Variants in CELF4 observed in about 807,000 individuals in gnomAD.
CELF4 encodes the protein CUG-BP- and ETR-3-like factor 4.
CELF4 carries 18 observed loss-of-function variants against 59.9 expected under a neutral mutation model. The observed-to-expected ratio is 0.30, with a 90% confidence interval of 0.21 to 0.45. The LOEUF (loss-of-function observed/expected upper bound fraction) is 0.45. Among genes scored for constraint, CELF4 ranks in the 20% least tolerant of loss-of-function variants. The pLI, the probability that CELF4 is intolerant of heterozygous loss-of-function variation, is 1.00. For missense variants in CELF4, 456 were observed against 689.0 expected, an observed-to-expected ratio of 0.66 and a Z score of 3.79; for synonymous variants, 261 against 267.1, an observed-to-expected ratio of 0.98 and a Z score of 0.22.
intron 2 of CELF4, among the ~76,000 whole-genome samples, chr18:37,450,166 G>A (rs1791478): frequency 0.42 from 63,779 of 151,968 alleles, 13,777 homozygotes; most frequent in East Asian, 0.58. Flanking sequence ...GTGTGTGGGA[G>A]GGTACAAGTT....
intron 1 of CELF4, among the ~76,000 whole-genome samples, chr18:37,537,161 T>A (rs752155608): frequency 7.9e-5 from 12 of 152,228 alleles, no homozygotes; most frequent in Non-Finnish European, 1.6e-4. Context: ...CCCTTACATT[T>A]TCTGCTGTGC....
intron 1 of CELF4, among the ~76,000 whole-genome samples, chr18:37,530,156 T>C (rs2099968037): frequency 6.6e-6 from 1 of 152,238 alleles, no homozygotes; most frequent in Non-Finnish European, 1.5e-5. Flanking sequence ...GGTGAAAGTA[T>C]AATAAAAAGT....
intron 2 of CELF4, among the ~76,000 whole-genome samples, chr18:37,353,750 G>T (rs372988696): frequency 3.6e-5 from 5 of 139,330 alleles, no homozygotes; most frequent in African/African-American, 1.3e-4. Context: ...TGGTGGGGGC[G>T]GGGGGGGCAG....
At position 37,547,546 on chromosome 18, in the gene CELF4, T is replaced by C. The variant is rs536319987; in HGVS notation, c.286+17810A>G. Among the ~76,000 whole-genome samples the C allele has an allele frequency of 1.8e-3, 270 of 152,308 alleles. 1 individual carries two copies. The highest frequency in any genetic ancestry group is 6.8e-3 in the Middle Eastern group (2 of 294). ...AAATTTCTCCAGGTCCTGCCTTTAGTCTTGGTTAGACGAACAGAAATTTGG... is the reference window on the plus strand; with the variant it reads ...AAATTTCTCCAGGTCCTGCCTTTAGCCTTGGTTAGACGAACAGAAATTTGG... On this transcript the variant is annotated intron_variant, in intron 1 of 12. Coordinates refer to ENST00000420428, the MANE Select transcript of CELF4 (RefSeq NM_020180.4).
At chr18:37,360,751 G>A (rs1343358327) in intron 2 of CELF4, among the ~76,000 whole-genome samples, 1 of 152,036 alleles carries the variant, frequency 6.6e-6, no homozygotes, top group Non-Finnish European at 1.5e-5. Context: ...AGATGTGTGG[G>A]TGAGTTCAGG....
intron 2 of CELF4, among the ~76,000 whole-genome samples, chr18:37,474,554 A>G (rs1335594128): frequency 6.6e-6 from 1 of 152,194 alleles, no homozygotes; most frequent in Non-Finnish European, 1.5e-5. Context: ...AGATCTCTCC[A>G]TGGTTTTCTG....
intron 3 of CELF4, among the ~76,000 whole-genome samples, chr18:37,303,224 T>C (rs755653256): frequency 3.3e-5 from 5 of 151,912 alleles, no homozygotes; most frequent in Admixed American, 6.5e-5. Context: ...CCCACAGGCA[T>C]TGAGGGCTAA....
intron 2 of CELF4, among the ~76,000 whole-genome samples, chr18:37,383,100 G>A (rs533050729): frequency 6.6e-6 from 1 of 152,224 alleles, no homozygotes; most frequent in East Asian, 1.9e-4. Context: ...TGTTGTCCAG[G>A]CTAGTCTTCA....
chr18:37,416,786 C>T lies in CELF4; in HGVS notation c.369+68739G>A, dbSNP rs564163386. Among the ~76,000 whole-genome samples the T allele has an allele frequency of 3.3e-5, 5 of 152,280 alleles. No homozygotes were observed. The East Asian group carries it at 9.7e-4, about 30-fold the overall frequency. On this transcript the variant is annotated intron_variant, in intron 2 of 12. Transcript: ENST00000420428. Reference sequence around the variant, plus strand: ...TTCCTCTCCCTCTTTGGGCTGCACGCTCCCTGTTGCATCTGTCCTGTGTTG... The same window carrying T: ...TTCCTCTCCCTCTTTGGGCTGCACGTTCCCTGTTGCATCTGTCCTGTGTTG...
intron 1 of CELF4, among the ~76,000 whole-genome samples, chr18:37,498,428 C>T (rs2099927667): frequency 6.9e-6 from 1 of 145,798 alleles, no homozygotes; most frequent in South Asian, 2.3e-4. Flanking sequence ...TTCTCCCCTC[C>T]CCTCCCTTCC....
intron 11 of CELF4, among the ~76,000 whole-genome samples, chr18:37,256,805 G>A (rs187546885): frequency 6.6e-6 from 1 of 152,028 alleles, no homozygotes; most frequent in African/African-American, 2.4e-5. Context: ...GGCTGGTCTC[G>A]AACTCCTGAC....
At chr18:37,261,822 G>A (rs916716808) in intron 10 of CELF4, among the ~76,000 whole-genome samples, 1 of 152,238 alleles carries the variant, frequency 6.6e-6, no homozygotes, top group Non-Finnish European at 1.5e-5. Context: ...TTCAGGCTCA[G>A]CTCAAAGATG....
chr18:37,376,291 A>G (rs546550427), intron 2 of CELF4, among the ~76,000 whole-genome samples: 76 of 152,126 alleles, frequency 5.0e-4, no homozygotes, highest in African/African-American at 1.8e-3. Flanking sequence ...CTGGCTTCCT[A>G]TCCCCCAGGA....
chr18:37,377,696 A>G lies in CELF4; in HGVS notation c.370-55815T>C, dbSNP rs73429214. On this transcript the variant is annotated intron_variant, in intron 2 of 12. Transcript: ENST00000420428. ...GGTGTGTTCCTGGGGACATGTCTTGAGTTACTCAAGTCGAACTCTGCCTTT... is the reference window on the plus strand; with the variant it reads ...GGTGTGTTCCTGGGGACATGTCTTGGGTTACTCAAGTCGAACTCTGCCTTT... Among the ~76,000 whole-genome samples, 314 of 152,206 alleles carry G rather than the reference A, an allele frequency of 2.1e-3. 2 individuals are homozygous for G. The highest frequency in any genetic ancestry group is 6.8e-3 in the Middle Eastern group (2 of 294).
chr18:37,545,222 C>G (rs1488861047), intron 1 of CELF4, among the ~76,000 whole-genome samples: 1 of 152,180 alleles, frequency 6.6e-6, no homozygotes, highest in African/African-American at 2.4e-5. Flanking sequence ...CGGGTAGTGT[C>G]CTCAGGGGCA....
intron 2 of CELF4, among the ~76,000 whole-genome samples, chr18:37,430,672 G>C (rs1054510240): frequency 6.6e-6 from 1 of 152,190 alleles, no homozygotes; most frequent in Non-Finnish European, 1.5e-5. Context: ...TGAGCAGAAT[G>C]GGGGGAGCAC....
chr18:37,287,305 C>T (rs28753860), intron 3 of CELF4, among the ~76,000 whole-genome samples: 20,175 of 152,252 alleles, frequency 0.13, 1,552 homozygotes, highest in African/African-American at 0.21. Context: ...TGGCCCTCCA[C>T]CTGCCTGCTG....
chr18:37,557,159 C>T (rs948968088), intron 1 of CELF4, among the ~76,000 whole-genome samples: 1 of 152,160 alleles, frequency 6.6e-6, no homozygotes, highest in Non-Finnish European at 1.5e-5. Flanking sequence ...GTGTGGGCAG[C>T]GGATGTGAAA....
chr18:37,448,431 C>G (rs1035901290), intron 2 of CELF4, among the ~76,000 whole-genome samples: 1 of 152,238 alleles, frequency 6.6e-6, no homozygotes, highest in African/African-American at 2.4e-5. Context: ...GACAGCTGAG[C>G]CCCCTGGCGA....
Sources: allele counts gnomAD v4.1 joint callset (sites outside exome capture counted in the v4.1 genomes callset), GRCh38; gene constraint gnomAD v4.1.1; transcripts MANE v1.5; gene names NCBI Gene and HGNC (gene_info 2026-07-23, HGNC 2026-07-21).